AGBL4: variants seen among roughly 807,000 people sequenced by gnomAD.
AGBL4 encodes the protein AGBL carboxypeptidase 4, also known as cytosolic carboxypeptidase 6.
In AGBL4, 58 loss-of-function variants were observed where a neutral mutation model predicts 66.4. That is an observed-to-expected ratio of 0.87 (90% CI 0.71 to 1.09). The LOEUF is 1.09. AGBL4 is among the 50% of genes least tolerant of loss of function. The pLI, the probability that AGBL4 is intolerant of heterozygous loss-of-function variation, is 0.00. For synonymous variants in AGBL4, 234 were observed against 222.9 expected (o/e 1.05, Z -0.44); for missense variants, 579 against 631.0 (o/e 0.92, Z 0.88).
At chr1:48,735,084 G>T (rs991885276) in intron 6 of AGBL4, among the ~76,000 whole-genome samples, 3 of 152,188 alleles carry the variant, frequency 2.0e-5, no homozygotes, top group Admixed American at 6.5e-5. Context: ...CAACAGTAGG[G>T]TTGCTATGAG....
chr1:49,078,722 C>G (rs930230728), intron 4 of AGBL4, among the ~76,000 whole-genome samples: 1 of 152,100 alleles, frequency 6.6e-6, no homozygotes, highest in African/African-American at 2.4e-5. Flanking sequence ...TGCCCAAAGT[C>G]CTCCTTATCT....
At chr1:48,854,521 G>T (rs562238670) in intron 6 of AGBL4, among the ~76,000 whole-genome samples, 1 of 152,220 alleles carries the variant, frequency 6.6e-6, no homozygotes, top group South Asian at 2.1e-4. Flanking sequence ...TGTTTGTTCT[G>T]CTCTCAGGCT....
At chr1:48,766,300 G>A (rs1644526073) in intron 6 of AGBL4, among the ~76,000 whole-genome samples, 1 of 152,188 alleles carries the variant, frequency 6.6e-6, no homozygotes, top group Non-Finnish European at 1.5e-5. Flanking sequence ...GCAGAGCCAA[G>A]ATGTGCTATA....
chr1:48,817,990 A>G (rs749196962), intron 6 of AGBL4: 30 of 704,856 alleles, frequency 4.3e-5, no homozygotes, highest in Middle Eastern at 3.7e-4. Context: ...CTTCTTAAGC[A>G]CCTGAGAGTC....
intron 5 of AGBL4, among the ~76,000 whole-genome samples, chr1:48,899,547 G>T (rs1651885774): frequency 6.6e-6 from 1 of 152,026 alleles, no homozygotes; most frequent in Non-Finnish European, 1.5e-5. Flanking sequence ...AAGATACCAG[G>T]CTCCATATGA....
At chr1:49,193,538 T>A (rs1358918711) in intron 4 of AGBL4, among the ~76,000 whole-genome samples, 1 of 151,938 alleles carries the variant, frequency 6.6e-6, no homozygotes, top group Non-Finnish European at 1.5e-5. Flanking sequence ...ATTTCTTTTT[T>A]TTTTTTTGAG....
chr1:49,884,303 G>A (rs555573451), intron 1 of AGBL4, among the ~76,000 whole-genome samples: 3 of 151,734 alleles, frequency 2.0e-5, no homozygotes, highest in East Asian at 3.9e-4. Context: ...TGTTCTGAAG[G>A]TTATGTAAAA....
At chr1:49,017,755 T>G (rs1662925881) in intron 5 of AGBL4, among the ~76,000 whole-genome samples, 1 of 152,090 alleles carries the variant, frequency 6.6e-6, no homozygotes, top group African/African-American at 2.4e-5. Context: ...TGAATTAAAA[T>G]AACAAAATAA....
chr1:49,570,209 G>A lies in AGBL4; in HGVS notation c.282+127104C>T, dbSNP rs867532861. On this transcript the variant is annotated intron_variant, in intron 3 of 13. Coordinates refer to ENST00000371839, the MANE Select transcript of AGBL4 (RefSeq NM_032785.4). Reference sequence around the variant, plus strand: ...TTTCATTCCTCCCAACAGTGAATAAGTATTCCATTTTCTCCACACCTTCAC... The same window carrying A: ...TTTCATTCCTCCCAACAGTGAATAAATATTCCATTTTCTCCACACCTTCAC... Among the ~76,000 whole-genome samples the A allele has an allele frequency of 3.3e-5, 5 of 152,000 alleles. No homozygotes were observed. In the South Asian group the frequency reaches 1.0e-3, roughly 31 times the overall value.
intron 5 of AGBL4, among the ~76,000 whole-genome samples, chr1:48,877,806 A>G (rs1180184733): frequency 2.0e-5 from 3 of 152,054 alleles, no homozygotes; most frequent in Non-Finnish European, 4.4e-5. Flanking sequence ...GATAGGTGAA[A>G]TATGGCAGCA....
At chr1:48,646,992 A>G (rs1475104646) in intron 8 of AGBL4, among the ~76,000 whole-genome samples, 1 of 152,220 alleles carries the variant, frequency 6.6e-6, no homozygotes, top group Non-Finnish European at 1.5e-5. Flanking sequence ...CTTATTGGCA[A>G]GAACTGCCTC....
intron 6 of AGBL4, among the ~76,000 whole-genome samples, chr1:48,854,584 T>C (rs1406618466): frequency 6.6e-6 from 1 of 152,170 alleles, no homozygotes; most frequent in African/African-American, 2.4e-5. Context: ...CACTGCAAAA[T>C]TTCAATATTG....
At chr1:49,759,598 T>G (rs1652151344) in intron 2 of AGBL4, among the ~76,000 whole-genome samples, 2 of 152,226 alleles carry the variant, frequency 1.3e-5, no homozygotes, top group African/African-American at 4.8e-5. Flanking sequence ...TACAATAGTA[T>G]GTAAAACATT....
intron 5 of AGBL4, among the ~76,000 whole-genome samples, chr1:48,996,121 G>A (rs1255279938): frequency 6.6e-6 from 1 of 152,132 alleles, no homozygotes; most frequent in Non-Finnish European, 1.5e-5. Context: ...ATAGCCCTCA[G>A]GTTTTTACCC....
rs917257654 is a variant in AGBL4 at position 50,000,661 on chromosome 1, G to A, written c.34+23102C>T. ...ACACAATTCACAATTGTTAAAATAC[G>A]GAACCAGCCCAAATGTCCATCACTC... On this transcript the variant is annotated intron_variant, in intron 1 of 13. Coordinates refer to ENST00000371839, the MANE Select transcript of AGBL4 (RefSeq NM_032785.4). Among the ~76,000 whole-genome samples the A allele has an allele frequency of 5.3e-5, 8 of 152,082 alleles. No individual in the cohort carries two copies. The South Asian group carries it at 8.3e-4, about 16-fold the overall frequency.
chr1:49,466,132 G>T (rs1217409236), intron 3 of AGBL4, among the ~76,000 whole-genome samples: 1 of 151,826 alleles, frequency 6.6e-6, no homozygotes, highest in Non-Finnish European at 1.5e-5. Flanking sequence ...CAATGATCTG[G>T]CTGTTTACCT....
At chr1:49,884,242 C>T (rs537227866) in intron 1 of AGBL4, among the ~76,000 whole-genome samples, 1 of 151,872 alleles carries the variant, frequency 6.6e-6, no homozygotes, top group African/African-American at 2.4e-5. Context: ...GTATAACATA[C>T]TTTGTTAAGT....
intron 1 of AGBL4, among the ~76,000 whole-genome samples, chr1:49,996,505 CAAT>C (rs1247070992): frequency 6.6e-6 from 1 of 151,944 alleles, no homozygotes; most frequent in Non-Finnish European, 1.5e-5. Context: ...TCAAATCCAA[CAAT>C]GACAAAGAAA....
At chr1:48,939,312 C>T (rs1655747907) in intron 5 of AGBL4, among the ~76,000 whole-genome samples, 1 of 152,214 alleles carries the variant, frequency 6.6e-6, no homozygotes, top group Non-Finnish European at 1.5e-5. Context: ...AGGTCTGTCC[C>T]TTCAGCCTTC....
Sources: allele counts gnomAD v4.1 joint callset (sites outside exome capture counted in the v4.1 genomes callset), GRCh38; gene constraint gnomAD v4.1.1; transcripts MANE v1.5; gene names NCBI Gene and HGNC (gene_info 2026-07-23, HGNC 2026-07-21).